GABRG1: variants seen among roughly 807,000 people sequenced by gnomAD.
The protein encoded by GABRG1 is gamma-aminobutyric acid receptor subunit gamma-1.
GABRG1 carries 49 observed loss-of-function variants against 49.8 expected under a neutral mutation model. That is an observed-to-expected ratio of 0.98 (90% CI 0.78 to 1.25). The LOEUF (loss-of-function observed/expected upper bound fraction) is 1.25, where lower values mean the gene tolerates loss of function less well. Ranked by LOEUF, GABRG1 falls within the 50% of genes most tolerant of loss-of-function variation. GABRG1 has a pLI of 0.00. For missense variants in GABRG1, 552 were observed against 552.3 expected (o/e 1.00, Z 0.01); for synonymous variants, 232 against 185.1 (o/e 1.25, Z -2.06).
chr4:46,090,869 T>C (rs892812978), intron 2 of GABRG1, among the ~76,000 whole-genome samples: 1 of 151,694 alleles, frequency 6.6e-6, no homozygotes, highest in East Asian at 1.9e-4. Flanking sequence ...TTAGATCTTT[T>C]ATTTGGCTGG....
At chr4:46,097,109 A>G in intron 2 of GABRG1, 92 bp downstream of exon 2, 1 of 1,090,888 alleles carries the variant, frequency 9.2e-7, no homozygotes, top group African/African-American at 1.6e-5. Flanking sequence ...CATACATCAG[A>G]CACTCAAGGA....
intron 1 of GABRG1, among the ~76,000 whole-genome samples, chr4:46,122,777 G>A (rs1577676379): frequency 6.6e-6 from 1 of 152,018 alleles, no homozygotes; most frequent in East Asian, 1.9e-4. Flanking sequence ...CATAATGATT[G>A]TACTTTACTT....
intron 3 of GABRG1, among the ~76,000 whole-genome samples, chr4:46,066,247 C>T (rs1295982717): frequency 6.6e-6 from 1 of 152,108 alleles, no homozygotes; most frequent in Non-Finnish European, 1.5e-5. Flanking sequence ...AAAAAAGAAA[C>T]TAGACGCAAA....
In GABRG1 at chr4:46,039,606, G is replaced by C. The variant is rs923774045; in HGVS notation, c.*1382C>G. On this transcript the variant is annotated 3_prime_UTR_variant, in exon 9 of 9. Coordinates refer to ENST00000295452, the MANE Select transcript of GABRG1 (RefSeq NM_173536.4). ...TAAAGGTTATTTCCAAGCTAAACCTGGTGGTTCTCCAGAAATTTATGTGAT... is the reference window on the plus strand; with the variant it reads ...TAAAGGTTATTTCCAAGCTAAACCTCGTGGTTCTCCAGAAATTTATGTGAT... 6.6e-6 allele frequency: 1 copy of C among 151,646 alleles called. No homozygotes were observed. The highest frequency in any genetic ancestry group is 2.4e-5 in the African/African-American group (1 of 41,380). The allele number at this position is 151,646 out of a possible 1,614,324, so 9.4% of individuals were successfully genotyped here. A position where few individuals can be genotyped will look rare whatever the true frequency, so the allele number is the denominator to read the frequency against.
At chr4:46,060,897 T>A (rs1165961798) in intron 5 of GABRG1, among the ~76,000 whole-genome samples, 1 of 152,142 alleles carries the variant, frequency 6.6e-6, no homozygotes, top group Non-Finnish European at 1.5e-5. Context: ...TCTCATGATA[T>A]TAATTTTTAA....
chr4:46,096,735 C>T (rs1720175994), intron 2 of GABRG1, among the ~76,000 whole-genome samples: 1 of 151,520 alleles, frequency 6.6e-6, no homozygotes. Context: ...AGCATCATAC[C>T]TACTAGTGAA....
chr4:46,120,906 C>A (rs974332487), intron 1 of GABRG1, among the ~76,000 whole-genome samples: 2 of 151,486 alleles, frequency 1.3e-5, no homozygotes, highest in Non-Finnish European at 3.0e-5. Flanking sequence ...TTTTTAAATT[C>A]TTTTTAAAAA....
At chr4:46,078,732 C>T (rs1719451836) in intron 3 of GABRG1, among the ~76,000 whole-genome samples, 1 of 151,888 alleles carries the variant, frequency 6.6e-6, no homozygotes, top group Non-Finnish European at 1.5e-5. Flanking sequence ...TCAGTTCTCA[C>T]CATTTTGAAC....
At chr4:46,074,594 T>C (rs1719256058) in intron 3 of GABRG1, among the ~76,000 whole-genome samples, 1 of 152,124 alleles carries the variant, frequency 6.6e-6, no homozygotes, top group South Asian at 2.1e-4. Flanking sequence ...CAATTTTTAT[T>C]ATAACAAAAT....
chr4:46,066,892 G>C (rs1378421494), intron 3 of GABRG1, among the ~76,000 whole-genome samples: 1 of 151,286 alleles, frequency 6.6e-6, no homozygotes, highest in Non-Finnish European at 1.5e-5. Flanking sequence ...ATATGTGTGT[G>C]TATATATGTG....
intron 7 of GABRG1, among the ~76,000 whole-genome samples, chr4:46,057,031 G>T: frequency 6.6e-6 from 1 of 152,012 alleles, no homozygotes. Context: ...TATGCATAGT[G>T]GTTATACTAA....
intron 3 of GABRG1, among the ~76,000 whole-genome samples, chr4:46,075,944 G>T (rs1204420371): frequency 2.6e-5 from 4 of 152,004 alleles, no homozygotes; most frequent in African/African-American, 4.8e-5. Context: ...AGACAATGGA[G>T]ATTCAGGAGG....
chr4:46,083,974 TTTC>T lies in GABRG1; in HGVS notation c.321+9_321+11del. 1 of 1,440,750 alleles carries T rather than the reference TTTC, an allele frequency of 6.9e-7. No individual in the cohort carries two copies. The highest frequency in any genetic ancestry group is 9.7e-7 in the Non-Finnish European group (1 of 1,036,238). The allele number at this position is 1,440,750 out of a possible 1,614,324, so 89.2% of individuals were successfully genotyped here. A position where few individuals can be genotyped will look rare whatever the true frequency, so the allele number is the denominator to read the frequency against. ...TCTGTGGCAGTTATTATTTTTAATA[TTTC>T]TTACTTACCATATTAATTGGATCAA... On this transcript the variant is annotated intron_variant, in intron 3 of 8. Coordinates refer to ENST00000295452, the MANE Select transcript of GABRG1 (RefSeq NM_173536.4).
At position 46,058,274 on chromosome 4, in the gene GABRG1, G is replaced by A; in HGVS notation, c.859C>T (p.Leu287Phe). The A allele has an allele frequency of 6.2e-7, 1 of 1,613,216 alleles. No homozygotes were observed. The highest frequency in any genetic ancestry group is 8.5e-7 in the Non-Finnish European group (1 of 1,179,544). The change falls in exon 7 of 9, where the codon CTT (leucine) becomes TTT (phenylalanine). Residue 287 changes from leucine to phenylalanine, a missense_variant. By Grantham distance (22) the Leu-to-Phe change is conservative. Coordinates refer to ENST00000295452, the MANE Select transcript of GABRG1 (RefSeq NM_173536.4). Reference protein sequence around the residue: ...TYIPCILTVVLSWVSFWINKD... With the variant: ...TYIPCILTVVFSWVSFWINKD... ...TTGATCCAAAAAGACACCCAAGAAA[G>A]AACAACTGTCAGAATGCATGGAATG...
chr4:46,099,414 T>C (rs2109432735), intron 1 of GABRG1, among the ~76,000 whole-genome samples: 1 of 151,866 alleles, frequency 6.6e-6, no homozygotes, highest in East Asian at 2.0e-4. Context: ...GAGCCACAGC[T>C]GAACTACAAT....
At chr4:46,069,459 T>C (rs2109412057) in intron 3 of GABRG1, among the ~76,000 whole-genome samples, 1 of 152,240 alleles carries the variant, frequency 6.6e-6, no homozygotes, top group East Asian at 1.9e-4. Context: ...AAGCACCAGC[T>C]TCTGAATTCT....
At chr4:46,062,317 A>T (rs1482528722) in intron 5 of GABRG1, among the ~76,000 whole-genome samples, 2 of 151,834 alleles carry the variant, frequency 1.3e-5, no homozygotes, top group African/African-American at 4.8e-5. Context: ...GCTATTGTGA[A>T]TAGTGCCGCA....
chr4:46,056,373 T>C lies in GABRG1; in HGVS notation c.916+1844A>G, dbSNP rs560450517. ...AGATCTGGCTTCAAAAACCATATGG[T>C]TCCCCCTGCCTGGAATATCTTTCTG... On this transcript the variant is annotated intron_variant, in intron 7 of 8. Coordinates refer to ENST00000295452, the MANE Select transcript of GABRG1 (RefSeq NM_173536.4). Among the ~76,000 whole-genome samples the C allele has an allele frequency of 3.3e-5, 5 of 151,838 alleles. No homozygotes were observed. The East Asian group carries it at 9.8e-4, about 30-fold the overall frequency.
At position 46,051,582 on chromosome 4, in the gene GABRG1, G is replaced by T; in HGVS notation, c.973C>A (p.Pro325Thr). The T allele has an allele frequency of 6.2e-7, 1 of 1,611,406 alleles. No homozygotes were observed. The change falls in exon 8 of 9, where the codon CCT becomes ACT. Residue 325 changes from proline (P) to threonine (T), a missense_variant. Coordinates refer to ENST00000295452, the MANE Select transcript of GABRG1 (RefSeq NM_173536.4). ...ATCGCAGTCACATAAGAAACCTTAG[G>T]TAAAGACTTCCTGGCAATTGTACTC... The part of the protein sequence containing the change: ...TLSTIARKSL[P>T]KVSYVTAMDL...
Sources: allele counts gnomAD v4.1 joint callset (sites outside exome capture counted in the v4.1 genomes callset), GRCh38; gene constraint gnomAD v4.1.1; transcripts MANE v1.5; gene names NCBI Gene and HGNC (gene_info 2026-07-23, HGNC 2026-07-21).